MARCHF10: variants seen among roughly 807,000 people sequenced by gnomAD.
MARCHF10 encodes membrane associated ring-CH-type finger 10.
In MARCHF10, 64 loss-of-function variants were observed where a neutral mutation model predicts 76.2. The observed-to-expected ratio is 0.84, with a 90% CI of 0.69 to 1.03. The LOEUF is 1.03. Ranked by LOEUF, MARCHF10 falls within the 50% of genes least tolerant of loss-of-function variation. The pLI, the probability that MARCHF10 is intolerant of heterozygous loss-of-function variation, is 0.00. For missense variants in MARCHF10, 875 were observed against 958.0 expected (o/e 0.91, Z 1.14); for synonymous variants, 340 against 357.5 (o/e 0.95, Z 0.55).
At chr17:62,734,097 T>C (rs1379306332) in intron 6 of MARCHF10, among the ~76,000 whole-genome samples, 2 of 151,942 alleles carry the variant, frequency 1.3e-5, no homozygotes, top group Non-Finnish European at 2.9e-5. Context: ...GGCACGAGAA[T>C]TGCTTGAACC....
At chr17:62,718,726 G>A (rs917894694) in intron 8 of MARCHF10, among the ~76,000 whole-genome samples, 1 of 152,138 alleles carries the variant, frequency 6.6e-6, no homozygotes, top group Non-Finnish European at 1.5e-5. Flanking sequence ...AATGTGAGTC[G>A]CGCTGTTTAT....
intron 1 of MARCHF10, among the ~76,000 whole-genome samples, chr17:62,805,727 C>T (rs963761580): frequency 1.4e-4 from 22 of 152,138 alleles, no homozygotes; most frequent in African/African-American, 2.4e-4. Context: ...GCCTGGCCAA[C>T]GTGGCAAAAC....
rs1211975433 is a variant in MARCHF10 at position 62,701,687 on chromosome 17, AC to A, written c.*15del. ...GCGGGAGAGGTCTCCGCCGAGCTCCACAGTTGGCTTCCTTGCTAGACGACCT... is the reference window on the plus strand; with the variant it reads ...GCGGGAGAGGTCTCCGCCGAGCTCCAAGTTGGCTTCCTTGCTAGACGACCT... On this transcript the variant is annotated 3_prime_UTR_variant, in exon 11 of 11. Coordinates refer to ENST00000311269, the MANE Select transcript of MARCHF10 (RefSeq NM_152598.4). 4 of 1,613,926 alleles carry A rather than the reference AC, an allele frequency of 2.5e-6. No homozygotes were observed. Among genetic ancestry groups the A allele is most frequent in the African/African-American group, 1.3e-5 (1 of 74,932 alleles).
chr17:62,772,103 T>C (rs2092459603), intron 3 of MARCHF10, among the ~76,000 whole-genome samples: 1 of 152,108 alleles, frequency 6.6e-6, no homozygotes, highest in African/African-American at 2.4e-5. Context: ...ATGCATAATA[T>C]GGTTTGGCTG....
At position 62,736,452 on chromosome 17, in the gene MARCHF10, AG is replaced by A; in HGVS notation, c.1415del (p.Pro472LeufsTer10). 6.2e-7 allele frequency: 1 copy of A among 1,614,182 alleles called. No homozygotes were observed. Reference protein sequence around the residue: ...PRSSVNSSYNPPASFMHSALR... With the variant: ...PRSSVNSSYNXPASFMHSALR... ...GAGCAGAATGCATGAATGATGCAGGAGGGTTATAGGATGAATTCACTGATGA... is the reference window on the plus strand; with the variant it reads ...GAGCAGAATGCATGAATGATGCAGGAGGTTATAGGATGAATTCACTGATGA... On this transcript the variant is annotated frameshift_variant, in exon 6 of 11. Coordinates refer to ENST00000311269, the MANE Select transcript of MARCHF10 (RefSeq NM_152598.4). LOFTEE classifies it high-confidence loss of function.
At chr17:62,790,703 G>A (rs1349727967) in intron 2 of MARCHF10, among the ~76,000 whole-genome samples, 2 of 152,162 alleles carry the variant, frequency 1.3e-5, no homozygotes, top group Non-Finnish European at 1.5e-5. Flanking sequence ...ATCTCCTTCC[G>A]TGATGCAGTA....
intron 3 of MARCHF10, among the ~76,000 whole-genome samples, chr17:62,760,476 C>G (rs1464453565): frequency 6.6e-6 from 1 of 152,192 alleles, no homozygotes; most frequent in Non-Finnish European, 1.5e-5. Flanking sequence ...AGTTTCAATA[C>G]TCTGCGTTAC....
At chr17:62,800,967 A>G (rs1379308727) in intron 2 of MARCHF10, among the ~76,000 whole-genome samples, 1 of 152,196 alleles carries the variant, frequency 6.6e-6, no homozygotes, top group African/African-American at 2.4e-5. Flanking sequence ...TACAAATGGT[A>G]GGGCGACCCA....
At chr17:62,771,878 G>A (rs1276034231) in intron 3 of MARCHF10, among the ~76,000 whole-genome samples, 1 of 152,150 alleles carries the variant, frequency 6.6e-6, no homozygotes, top group Non-Finnish European at 1.5e-5. Context: ...CCCCCAGCCT[G>A]CTTGTCAATA....
intron 4 of MARCHF10, among the ~76,000 whole-genome samples, chr17:62,755,825 A>G (rs2092022716): frequency 6.6e-6 from 1 of 152,224 alleles, no homozygotes; most frequent in Non-Finnish European, 1.5e-5. Flanking sequence ...TAAAAAATAC[A>G]ACTCTGAGCT....
intron 3 of MARCHF10, among the ~76,000 whole-genome samples, chr17:62,779,380 C>T (rs1231335674): frequency 6.6e-6 from 1 of 152,190 alleles, no homozygotes. Context: ...CATCCTAAGC[C>T]GTGGCTGCTT....
At chr17:62,778,076 G>T (rs1001851281) in intron 3 of MARCHF10, among the ~76,000 whole-genome samples, 1 of 152,210 alleles carries the variant, frequency 6.6e-6, no homozygotes, top group Non-Finnish European at 1.5e-5. Context: ...CCAGCCTAAG[G>T]GAGGAGGCAG....
chr17:62,792,733 T>TCACCACCAC lies in MARCHF10; in HGVS notation c.91-4143_91-4135dup, dbSNP rs1176377925. Among the ~76,000 whole-genome samples the TCACCACCAC allele has an allele frequency of 9.9e-5, 6 of 60,838 alleles. No individual in the cohort carries two copies. In the South Asian group the frequency reaches 3.7e-3, roughly 38 times the overall value. 39.9% of individuals were successfully genotyped at this position (60,838 alleles called of 152,430 possible). ...ACAACCATCACCACCACCACCACCA[T>TCACCACCAC]CACCACCACCACCTCCATCACCACC... On this transcript the variant is annotated intron_variant, in intron 2 of 10. Transcript: ENST00000311269.
At chr17:62,794,949 G>A in intron 2 of MARCHF10, 1 of 884,060 alleles carries the variant, frequency 1.1e-6, no homozygotes, top group Non-Finnish European at 1.4e-6. Context: ...CATAAAAACA[G>A]TTTGAGATAG....
At chr17:62,767,583 T>C (rs1202844133) in intron 3 of MARCHF10, among the ~76,000 whole-genome samples, 1 of 151,810 alleles carries the variant, frequency 6.6e-6, no homozygotes, top group Non-Finnish European at 1.5e-5. Context: ...CCCAAGTAGC[T>C]GGGATTACAG....
intron 8 of MARCHF10, among the ~76,000 whole-genome samples, chr17:62,715,080 T>G (rs764388292): frequency 1.3e-5 from 2 of 152,186 alleles, no homozygotes; most frequent in African/African-American, 2.4e-5. Flanking sequence ...GCATTTCTGA[T>G]TCAGCTGGAC....
At chr17:62,709,818 A>G (rs1252366928) in intron 9 of MARCHF10, among the ~76,000 whole-genome samples, 1 of 152,038 alleles carries the variant, frequency 6.6e-6, no homozygotes, top group African/African-American at 2.4e-5. Context: ...GGCACCAATC[A>G]TGGCTCACTG....
intron 4 of MARCHF10, among the ~76,000 whole-genome samples, chr17:62,759,197 G>T (rs1367352461): frequency 6.6e-6 from 1 of 152,152 alleles, no homozygotes; most frequent in Admixed American, 6.5e-5. Context: ...TTATGCTCTT[G>T]CTTGAGCCAT....
chr17:62,745,186 C>T (rs2091661358), intron 4 of MARCHF10, among the ~76,000 whole-genome samples: 1 of 150,708 alleles, frequency 6.6e-6, no homozygotes, highest in Non-Finnish European at 1.5e-5. Flanking sequence ...TCACTGCAGT[C>T]TCTGCCTCCC....
Sources: allele counts gnomAD v4.1 joint callset (sites outside exome capture counted in the v4.1 genomes callset), GRCh38; gene constraint gnomAD v4.1.1; transcripts MANE v1.5; gene names NCBI Gene and HGNC (gene_info 2026-07-23, HGNC 2026-07-21).